IQANK1: variants seen among roughly 807,000 people sequenced by gnomAD.
IQANK1 encodes IQ motif and ankyrin repeat containing 1, also known as IQ motif and ankyrin repeat domain-containing protein 1.
Under a neutral mutation model 22.6 loss-of-function variants are expected in IQANK1, and 30 were observed. The ratio of observed to expected loss-of-function variants is 1.33; its 90% CI spans 0.99 to 1.80. The LOEUF (loss-of-function observed/expected upper bound fraction) is 1.80, where lower values mean the gene tolerates loss of function less well. Ranked by LOEUF, IQANK1 falls within the 40% of genes most tolerant of loss-of-function variation. IQANK1 has a pLI of 0.00. For synonymous variants in IQANK1, 122 were observed against 99.6 expected (o/e 1.23, Z -1.34); for missense variants, 275 against 235.2 (o/e 1.17, Z -1.11).
chr8:143,756,659 A>G (rs1253483959), intron 3 of IQANK1, among the ~76,000 whole-genome samples: 2 of 152,006 alleles, frequency 1.3e-5, no homozygotes, highest in African/African-American at 4.8e-5. Context: ...CCAGGGCCCC[A>G]TAGCAAACCA....
chr8:143,779,042 C>T (rs1386396300), intron 7 of IQANK1, among the ~76,000 whole-genome samples: 1 of 152,152 alleles, frequency 6.6e-6, no homozygotes, highest in East Asian at 1.9e-4. Flanking sequence ...GCTGGGATTA[C>T]AGGTGTGAGC....
chr8:143,776,253 A>G (rs1587490017), intron 7 of IQANK1, among the ~76,000 whole-genome samples: 1 of 146,900 alleles, frequency 6.8e-6, no homozygotes, highest in African/African-American at 2.5e-5. Flanking sequence ...CCCAAGAGGC[A>G]GAGCTTGCAG....
intron 3 of IQANK1, among the ~76,000 whole-genome samples, chr8:143,749,601 T>TTA (rs1554627830): frequency 7.3e-6 from 1 of 136,720 alleles, no homozygotes; most frequent in Non-Finnish European, 1.6e-5. Context: ...ATTTATTTAT[T>TTA]TTTTTTTTTT....
rs1302792431 is a variant in IQANK1 at position 143,748,727 on chromosome 8, CAT to C, written c.175+8785_175+8786del. 1.8e-4 allele frequency among the ~76,000 whole-genome samples: 14 copies of C among 78,826 alleles called. No individual in the cohort carries two copies. The East Asian group carries it at 3.1e-3, about 17-fold the overall frequency. 51.7% of individuals were successfully genotyped at this position (78,826 alleles called of 152,430 possible). A position where few individuals can be genotyped will look rare whatever the true frequency, so the allele number is the denominator to read the frequency against. The stretch of plus-strand genomic sequence containing the variant: ...ATATATAAATATATATCATATATAT[CAT>C]ATATAAATATATAAATATATATCAT... On this transcript the variant is annotated intron_variant, in intron 3 of 13. Coordinates refer to ENST00000527139, the MANE Select transcript of IQANK1 (RefSeq NM_001381874.1).
rs1187068578 is a variant in IQANK1 at position 143,751,662 on chromosome 8, G to GTATATATATATATATATATATATATA, written c.175+11715_175+11716insATATATATATATATATATATATATAT. ...TGTGTGTGTGTGTGTGTGTGTGTGT[G>GTATATATATATATATATATATATATA]TGTATATATATATATAAAATCCTAT... On this transcript the variant is annotated intron_variant, in intron 3 of 13. Coordinates refer to ENST00000527139, the MANE Select transcript of IQANK1 (RefSeq NM_001381874.1). Among the ~76,000 whole-genome samples the GTATATATATATATATATATATATATA allele has an allele frequency of 1.7e-3, 92 of 54,252 alleles. 1 individual carries two copies. Among genetic ancestry groups the GTATATATATATATATATATATATATA allele is most frequent in the Non-Finnish European group, 2.8e-3 (64 of 23,160 alleles). The allele number at this position is 54,252 out of a possible 152,430, so 35.6% of individuals were successfully genotyped here.
At chr8:143,777,594 G>A (rs889558764) in intron 7 of IQANK1, among the ~76,000 whole-genome samples, 15 of 151,322 alleles carry the variant, frequency 9.9e-5, no homozygotes, top group Non-Finnish European at 2.1e-4. Flanking sequence ...AGGGGTAAAT[G>A]GAAGTGTATT....
At chr8:143,734,355 CAG>C (rs1409860924) in intron 1 of IQANK1, 136 bp downstream of exon 1, 2 of 151,994 alleles carry the variant, frequency 1.3e-5, no homozygotes, top group Non-Finnish European at 1.5e-5. Context: ...CCCGCCCACA[CAG>C]AGGACCCCCA....
intron 3 of IQANK1, among the ~76,000 whole-genome samples, chr8:143,752,908 C>T (rs535597871): frequency 1.3e-5 from 2 of 150,082 alleles, no homozygotes; most frequent in South Asian, 2.1e-4. Context: ...TTCTCTCTGC[C>T]CCTTTCTCTT....
intron 3 of IQANK1, among the ~76,000 whole-genome samples, chr8:143,751,568 T>C (rs144232530): frequency 0.03 from 4,457 of 146,496 alleles, 227 homozygotes; most frequent in African/African-American, 0.1. Context: ...GCCAAGATCA[T>C]GCCATTTCAC....
At chr8:143,769,649 AC>A (rs1226281456) in intron 3 of IQANK1, among the ~76,000 whole-genome samples, 8 of 151,996 alleles carry the variant, frequency 5.3e-5, no homozygotes, top group Admixed American at 5.2e-4. Context: ...TGAGCAGCTG[AC>A]CCTTTGCTCT....
At chr8:143,780,442 T>C (rs1819776893) in intron 7 of IQANK1, among the ~76,000 whole-genome samples, 1 of 152,140 alleles carries the variant, frequency 6.6e-6, no homozygotes, top group African/African-American at 2.4e-5. Context: ...CTAAGCCCAG[T>C]ACCCAATAGT....
rs573862043 is a variant in IQANK1, at chr8:143,757,659, AT to A, written c.176-13818del. 4.6e-3 allele frequency among the ~76,000 whole-genome samples: 670 copies of A among 146,782 alleles called. 3 individuals carry two copies. The highest frequency in any genetic ancestry group is 0.012 in the African/African-American group (464 of 40,182). On this transcript the variant is annotated intron_variant, in intron 3 of 13. Transcript: ENST00000527139. ...GCCACAATGTGTCTTTCATCTTAAA[AT>A]TTTTTTTTTTAGAGATGGCGTCTCA...
At chr8:143,777,262 T>A (rs1819705075) in intron 7 of IQANK1, among the ~76,000 whole-genome samples, 1 of 152,082 alleles carries the variant, frequency 6.6e-6, no homozygotes, top group South Asian at 2.1e-4. Context: ...ACACCTGTAA[T>A]CCCAGCACTT....
chr8:143,737,069 G>A (rs1363912601), intron 2 of IQANK1, among the ~76,000 whole-genome samples: 1 of 152,174 alleles, frequency 6.6e-6, no homozygotes, highest in African/African-American at 2.4e-5. Flanking sequence ...CGCCAGGCTG[G>A]GGTTAGATCC....
intron 7 of IQANK1, among the ~76,000 whole-genome samples, chr8:143,787,323 G>A (rs960203804): frequency 4.6e-5 from 7 of 152,282 alleles, no homozygotes; most frequent in Non-Finnish European, 7.4e-5. Flanking sequence ...TCCTCAGGCC[G>A]TGGTTAGCCT....
chr8:143,748,720 TATATATC>T (rs1554627563), intron 3 of IQANK1, among the ~76,000 whole-genome samples: 2 of 111,652 alleles, frequency 1.8e-5, no homozygotes, highest in Non-Finnish European at 3.2e-5. Flanking sequence ...ATATATATCA[TATATATC>T]ATATATAAAT....
At chr8:143,767,603 CCTT>C (rs1819501963) in intron 3 of IQANK1, among the ~76,000 whole-genome samples, 2 of 152,042 alleles carry the variant, frequency 1.3e-5, no homozygotes, top group African/African-American at 4.8e-5. Flanking sequence ...TAACTAAAGA[CCTT>C]CTCAAATTTC....
At chr8:143,782,358 T>A (rs1819810449) in intron 7 of IQANK1, among the ~76,000 whole-genome samples, 1 of 152,170 alleles carries the variant, frequency 6.6e-6, no homozygotes, top group Non-Finnish European at 1.5e-5. Context: ...TGAATAGGAG[T>A]GATGGGAGAG....
chr8:143,751,662 G>GTATATATATATATATA lies in IQANK1; in HGVS notation c.175+11715_175+11716insATATATATATATATAT, dbSNP rs1187068578. On this transcript the variant is annotated intron_variant, in intron 3 of 13. Transcript: ENST00000527139. ...TGTGTGTGTGTGTGTGTGTGTGTGTGTGTATATATATATATAAAATCCTAT... is the reference window on the plus strand; with the variant it reads ...TGTGTGTGTGTGTGTGTGTGTGTGTGTATATATATATATATATGTATATATATATATAAAATCCTAT... Among the ~76,000 whole-genome samples, 407 of 54,250 alleles carry GTATATATATATATATA rather than the reference G, an allele frequency of 7.5e-3. 10 individuals carry two copies. The highest frequency in any genetic ancestry group is 0.014 in the Non-Finnish European group (318 of 23,154). The allele number at this position is 54,250 out of a possible 152,430, so 35.6% of individuals were successfully genotyped here.
Sources: allele counts gnomAD v4.1 joint callset (sites outside exome capture counted in the v4.1 genomes callset), GRCh38; gene constraint gnomAD v4.1.1; transcripts MANE v1.5; gene names NCBI Gene and HGNC (gene_info 2026-07-23, HGNC 2026-07-21).